The following FSIP1 variants were observed in gnomAD, a reference collection of about 807,000 sequenced individuals.
The protein encoded by FSIP1 is fibrous sheath interacting protein 1, also known as fibrous sheath-interacting protein 1.
FSIP1 carries 65 observed loss-of-function variants against 60.9 expected under a neutral mutation model. The ratio of observed to expected loss-of-function variants is 1.07; its 90% CI spans 0.87 to 1.31. FSIP1 has a LOEUF of 1.31. FSIP1 is among the 40% of genes most tolerant of loss of function. FSIP1 has a pLI of 0.00. For synonymous variants in FSIP1, 209 were observed against 221.2 expected (o/e 0.94, Z 0.49); for missense variants, 675 against 665.5 (o/e 1.01, Z -0.16).
At chr15:39,744,838 C>T (rs1896940282) in intron 5 of FSIP1, among the ~76,000 whole-genome samples, 1 of 148,092 alleles carries the variant, frequency 6.8e-6, no homozygotes, top group African/African-American at 2.5e-5. Context: ...CAGCCTGTGG[C>T]TTGAAGGAGA....
At chr15:39,620,772 A>ATATT (rs1391533828) in intron 10 of FSIP1, among the ~76,000 whole-genome samples, 37 of 149,306 alleles carry the variant, frequency 2.5e-4, no homozygotes, top group African/African-American at 7.6e-4. Flanking sequence ...ATATATATAT[A>ATATT]TATTTATATT....
intron 8 of FSIP1, among the ~76,000 whole-genome samples, chr15:39,735,796 T>C (rs1208016939): frequency 1.3e-5 from 2 of 152,140 alleles, no homozygotes; most frequent in Non-Finnish European, 2.9e-5. Context: ...TTTGTAAGCT[T>C]TTTCCTATTT....
chr15:39,779,600 C>T (rs1898181510), intron 1 of FSIP1, among the ~76,000 whole-genome samples: 1 of 152,084 alleles, frequency 6.6e-6, no homozygotes, highest in Non-Finnish European at 1.5e-5. Context: ...TGTTTTTCAC[C>T]AGTACATAAT....
At chr15:39,633,840 T>A (rs562589498) in intron 10 of FSIP1, among the ~76,000 whole-genome samples, 1 of 152,254 alleles carries the variant, frequency 6.6e-6, no homozygotes. Flanking sequence ...CAGACTTTGC[T>A]GTCATACACA....
At chr15:39,736,551 GCCTGGGATTTCCATGC>G (rs1042034883) in intron 8 of FSIP1, among the ~76,000 whole-genome samples, 1 of 152,180 alleles carries the variant, frequency 6.6e-6, no homozygotes, top group Non-Finnish European at 1.5e-5. Context: ...GGCAGGCCTG[GCCTGGGATTTCCATGC>G]AGCAGACATT....
At position 39,640,827 on chromosome 15, in the gene FSIP1, G is replaced by A. The variant is rs1892338427; in HGVS notation, c.1189-22582C>T. Among the ~76,000 whole-genome samples, 3 of 152,088 alleles carry A rather than the reference G, an allele frequency of 2.0e-5. No individual in the cohort carries two copies. In the South Asian group the frequency reaches 6.2e-4, roughly 32 times the overall value. On this transcript the variant is annotated intron_variant, in intron 10 of 11. Transcript: ENST00000350221. ...AGTGTATATGCCTTATTTGAACATC[G>A]TTTGAACATTGAGCAGTGTATGAAA...
At chr15:39,604,508 A>C (rs1890753983) in intron 11 of FSIP1, among the ~76,000 whole-genome samples, 2 of 152,254 alleles carry the variant, frequency 1.3e-5, no homozygotes, top group African/African-American at 4.8e-5. Flanking sequence ...CTCAAGAAGA[A>C]TTAAAGAAAA....
intron 5 of FSIP1, among the ~76,000 whole-genome samples, chr15:39,747,791 C>G (rs1897046825): frequency 6.6e-6 from 1 of 151,966 alleles, no homozygotes; most frequent in Non-Finnish European, 1.5e-5. Context: ...AGAATCTTAC[C>G]TGTGTATATA....
chr15:39,672,736 T>C (rs1893771453), intron 10 of FSIP1, among the ~76,000 whole-genome samples: 1 of 152,178 alleles, frequency 6.6e-6, no homozygotes, highest in Admixed American at 6.5e-5. Context: ...GAAGACCACA[T>C]AGCTGGTAAG....
At chr15:39,653,185 A>AAC (rs1360407254) in intron 10 of FSIP1, among the ~76,000 whole-genome samples, 1 of 151,454 alleles carries the variant, frequency 6.6e-6, no homozygotes, top group Non-Finnish European at 1.5e-5. Context: ...CAAAAAAAAA[A>AAC]AAAAAAACCC....
At chr15:39,770,048 T>C (rs1897828289) in intron 3 of FSIP1, among the ~76,000 whole-genome samples, 2 of 152,332 alleles carry the variant, frequency 1.3e-5, no homozygotes, top group Admixed American at 1.3e-4. Flanking sequence ...AAAAATGTCA[T>C]CTTTGAAAAT....
intron 10 of FSIP1, among the ~76,000 whole-genome samples, chr15:39,698,777 A>T (rs1894932512): frequency 6.6e-6 from 1 of 152,234 alleles, no homozygotes; most frequent in South Asian, 2.1e-4. Context: ...TGCAAAACTC[A>T]TTCATTCCCT....
intron 10 of FSIP1, among the ~76,000 whole-genome samples, chr15:39,653,302 T>A (rs865823318): frequency 2.0e-5 from 3 of 152,096 alleles, no homozygotes; most frequent in Non-Finnish European, 4.4e-5. Flanking sequence ...CATTACTATA[T>A]ACTAATGTAT....
chr15:39,728,784 T>C (rs1181771253), intron 8 of FSIP1, among the ~76,000 whole-genome samples: 1 of 152,238 alleles, frequency 6.6e-6, no homozygotes, highest in Non-Finnish European at 1.5e-5. Context: ...AAAGAGCTTC[T>C]GCACAGCAAG....
intron 10 of FSIP1, among the ~76,000 whole-genome samples, chr15:39,679,793 C>T (rs962884860): frequency 4.6e-5 from 7 of 152,210 alleles, no homozygotes; most frequent in East Asian, 1.9e-4. Flanking sequence ...TCACAAACAA[C>T]GTCATCACAG....
chr15:39,612,887 T>A (rs1891085203), intron 11 of FSIP1, among the ~76,000 whole-genome samples: 1 of 152,004 alleles, frequency 6.6e-6, no homozygotes, highest in African/African-American at 2.4e-5. Flanking sequence ...AGTCTTAATA[T>A]AAACGACCAA....
intron 3 of FSIP1, among the ~76,000 whole-genome samples, chr15:39,768,276 T>C (rs1897759844): frequency 6.6e-6 from 1 of 152,232 alleles, no homozygotes; most frequent in Non-Finnish European, 1.5e-5. Flanking sequence ...CAGTGAGAGT[T>C]GATCTCATCC....
At chr15:39,654,243 AT>A (rs1342954791) in intron 10 of FSIP1, among the ~76,000 whole-genome samples, 2 of 152,266 alleles carry the variant, frequency 1.3e-5, no homozygotes, top group East Asian at 3.8e-4. Context: ...GTCATTTATT[AT>A]CACTGTCAAG....
chr15:39,765,592 C>T lies in FSIP1; in HGVS notation c.465G>A (p.Lys155=). ...CAGCATAAGGTTAGATAATTCTTACCTTAATTTCTTCCCACAGCTTTATTC... is the reference window on the plus strand; with the variant it reads ...CAGCATAAGGTTAGATAATTCTTACTTTAATTTCTTCCCACAGCTTTATTC... ...EMRIKLWEEI[K]SAKYSEAWQS... The change falls in exon 4 of 12, where the codon AAG becomes AAA. Residue 155 remains lysine (K), a splice_region_variant and synonymous_variant. Coordinates refer to ENST00000350221, the MANE Select transcript of FSIP1 (RefSeq NM_152597.5). The T allele has an allele frequency of 6.4e-7, 1 of 1,573,360 alleles. No individual in the cohort carries two copies. The highest frequency in any genetic ancestry group is 1.2e-5 in the South Asian group (1 of 83,306).
Sources: gnomAD v4.1 joint callset for allele counts (sites outside exome capture counted in the v4.1 genomes callset) on GRCh38, gnomAD v4.1.1 for gene constraint, MANE v1.5 for transcripts, NCBI Gene and HGNC (gene_info 2026-07-23, HGNC 2026-07-21) for gene names.